The following SPSB4 variants were observed in gnomAD, a reference collection of about 807,000 sequenced individuals.
SPSB4 encodes SPRY domain-containing SOCS box protein 4.
In SPSB4, 21 loss-of-function variants were observed where a neutral mutation model predicts 20.9. The observed-to-expected ratio is 1.01, with a 90% confidence interval of 0.71 to 1.45. The LOEUF is 1.45. Among genes scored for constraint, SPSB4 ranks in the 40% most tolerant of loss-of-function variants. The pLI, the probability that SPSB4 is intolerant of heterozygous loss-of-function variation, is 0.00. For synonymous variants in SPSB4, 207 were observed against 183.8 expected (o/e 1.13, Z -1.02); for missense variants, 399 against 399.2 (o/e 1.00, Z 0.00).
intron 2 of SPSB4, among the ~76,000 whole-genome samples, chr3:141,138,860 G>C (rs1292340124): frequency 6.6e-6 from 1 of 152,174 alleles, no homozygotes; most frequent in African/African-American, 2.4e-5. Context: ...TCCGCTTGGT[G>C]CAGAGCTGAG....
intron 1 of SPSB4, among the ~76,000 whole-genome samples, chr3:141,059,865 A>T (rs1485278902): frequency 1.3e-5 from 2 of 152,246 alleles, no homozygotes; most frequent in Non-Finnish European, 2.9e-5. Context: ...TTGCAAAAGC[A>T]GGTGAGGTTA....
intron 1 of SPSB4, among the ~76,000 whole-genome samples, chr3:141,062,249 A>T (rs1463766795): frequency 6.6e-6 from 1 of 152,180 alleles, no homozygotes; most frequent in Non-Finnish European, 1.5e-5. Context: ...TTTGGGGAAG[A>T]CACCCAAAGG....
At chr3:141,139,003 A>G (rs1326310195) in intron 2 of SPSB4, among the ~76,000 whole-genome samples, 1 of 152,184 alleles carries the variant, frequency 6.6e-6, no homozygotes, top group Non-Finnish European at 1.5e-5. Flanking sequence ...GACTTCCTTT[A>G]TGAATCTGTG....
intron 2 of SPSB4, among the ~76,000 whole-genome samples, chr3:141,088,965 A>T (rs1258672414): frequency 6.6e-6 from 1 of 152,220 alleles, no homozygotes; most frequent in Non-Finnish European, 1.5e-5. Flanking sequence ...TCCATATCCA[A>T]ACACTGATAT....
At chr3:141,118,402 A>G (rs1938914280) in intron 2 of SPSB4, among the ~76,000 whole-genome samples, 1 of 152,164 alleles carries the variant, frequency 6.6e-6, no homozygotes, top group Non-Finnish European at 1.5e-5. Context: ...CCTTTGTTAG[A>G]TGAGTAGATT....
In SPSB4 at chr3:141,066,498, C is replaced by T. The variant is rs1937881508; in HGVS notation, c.394C>T (p.Leu132=). The T allele has an allele frequency of 6.7e-7, 1 of 1,502,692 alleles. No individual in the cohort carries two copies. The highest frequency in any genetic ancestry group is 8.9e-7 in the Non-Finnish European group (1 of 1,125,130). The allele number at this position is 1,502,692 out of a possible 1,614,324, so 93.1% of individuals were successfully genotyped here. A position where few individuals can be genotyped will look rare whatever the true frequency, so the allele number is the denominator to read the frequency against. ...CCTGCACTCCGTGGGCTACACGGCG[C>T]TGGTAGGCAGTGACGCCGAGTCGTG... The part of the protein sequence containing the change: ...APLHSVGYTA[L]VGSDAESWGW... Residue 132 remains leucine (L), a synonymous_variant, in exon 2 of 3, where the codon CTG becomes TTG. Coordinates refer to ENST00000310546, the MANE Select transcript of SPSB4 (RefSeq NM_080862.3).
At chr3:141,053,767 T>A (rs1471669532) in intron 1 of SPSB4, among the ~76,000 whole-genome samples, 2 of 152,122 alleles carry the variant, frequency 1.3e-5, no homozygotes, top group Non-Finnish European at 2.9e-5. Context: ...TAGCAAGTAG[T>A]CATAACCATT....
rs183644051 is a variant in SPSB4 at position 141,126,855 on chromosome 3, G to A, written c.695-20287G>A. Among the ~76,000 whole-genome samples the A allele has an allele frequency of 2.6e-3, 391 of 152,336 alleles. 5 individuals are homozygous for A. The highest frequency in any genetic ancestry group is 9.2e-3 in the African/African-American group (381 of 41,576). On this transcript the variant is annotated intron_variant, in intron 2 of 2. Coordinates refer to ENST00000310546, the MANE Select transcript of SPSB4 (RefSeq NM_080862.3). ...TCTGCCTCTGCTTTTGATGGTAAGA[G>A]GCTAGTGAAAGATTCTGGCTTGGGC... is the stretch of plus-strand genomic sequence containing the variant.
chr3:141,135,470 A>G (rs1939211531), intron 2 of SPSB4, among the ~76,000 whole-genome samples: 1 of 151,648 alleles, frequency 6.6e-6, no homozygotes, highest in Non-Finnish European at 1.5e-5. Flanking sequence ...AGCATTAGGT[A>G]TATCTCCTAA....
At chr3:141,142,336 G>A (rs1276686451) in intron 2 of SPSB4, among the ~76,000 whole-genome samples, 1 of 152,148 alleles carries the variant, frequency 6.6e-6, no homozygotes, top group Non-Finnish European at 1.5e-5. Context: ...TAATTTCCAT[G>A]TATTTGTATA....
chr3:141,053,075 C>T (rs1936123317), intron 1 of SPSB4, among the ~76,000 whole-genome samples: 1 of 152,136 alleles, frequency 6.6e-6, no homozygotes, highest in Admixed American at 6.5e-5. Context: ...GCGGTGTGAC[C>T]TTGGGCAAGT....
intron 2 of SPSB4, among the ~76,000 whole-genome samples, chr3:141,067,948 T>A (rs1186706042): frequency 6.6e-6 from 1 of 152,210 alleles, no homozygotes; most frequent in Admixed American, 6.5e-5. Context: ...AGAGCAGAGC[T>A]ACAGAGAGCC....
intron 2 of SPSB4, among the ~76,000 whole-genome samples, chr3:141,131,876 G>C (rs4683396): frequency 0.26 from 39,817 of 152,078 alleles, 6,494 homozygotes; most frequent in African/African-American, 0.44. Context: ...AGTCAATGTG[G>C]CTAGTTTTCC....
chr3:141,094,896 A>G (rs1408730787), intron 2 of SPSB4, among the ~76,000 whole-genome samples: 1 of 150,536 alleles, frequency 6.6e-6, no homozygotes, highest in East Asian at 2.0e-4. Flanking sequence ...GGCTGAGGAC[A>G]AGCCTCTCCT....
rs140307873 is a variant in SPSB4, at chr3:141,136,500, T to A, written c.695-10642T>A. 7.9e-3 allele frequency among the ~76,000 whole-genome samples: 1,203 copies of A among 152,340 alleles called. 20 individuals are homozygous for A. Among genetic ancestry groups the A allele is most frequent in the African/African-American group, 0.027 (1,134 of 41,572 alleles). On this transcript the variant is annotated intron_variant, in intron 2 of 2. Coordinates refer to ENST00000310546, the MANE Select transcript of SPSB4 (RefSeq NM_080862.3). Reference sequence around the variant, plus strand: ...CTAACATGTAAGTCTTTAATCCACCTTGAATTAATTTTTGTATAAGGTGCA... The same window carrying A: ...CTAACATGTAAGTCTTTAATCCACCATGAATTAATTTTTGTATAAGGTGCA...
At position 141,147,587 on chromosome 3, in the gene SPSB4, T is replaced by TTTCCTTA. The variant is rs1939435657; in HGVS notation, c.*322_*328dup. On this transcript the variant is annotated 3_prime_UTR_variant, in exon 3 of 3. Coordinates refer to ENST00000310546, the MANE Select transcript of SPSB4 (RefSeq NM_080862.3). ...GCCACCGTATTGATCAGAGAGCCTG[T>TTTCCTTA]TTCCTTATTCAAGAGAATGAATAAA... 3.6e-6 allele frequency: 1 copy of TTTCCTTA among 278,058 alleles called. No individual in the cohort carries two copies. Among genetic ancestry groups the TTTCCTTA allele is most frequent in the East Asian group, 6.5e-5 (1 of 15,382 alleles). 17.2% of individuals were successfully genotyped at this position (278,058 alleles called of 1,614,324 possible).
At chr3:141,109,509 C>A (rs192075213) in intron 2 of SPSB4, among the ~76,000 whole-genome samples, 225 of 152,192 alleles carry the variant, frequency 1.5e-3, no homozygotes, top group Non-Finnish European at 3.0e-3. Context: ...TCCTTGCCAG[C>A]GGTCCTCATT....
At chr3:141,135,589 A>G (rs1437704619) in intron 2 of SPSB4, among the ~76,000 whole-genome samples, 2 of 149,506 alleles carry the variant, frequency 1.3e-5, no homozygotes, top group Non-Finnish European at 3.0e-5. Flanking sequence ...GAGAACATGC[A>G]GTGTTTGGTT....
intron 2 of SPSB4, among the ~76,000 whole-genome samples, chr3:141,136,482 G>A (rs1470573489): frequency 6.6e-6 from 1 of 152,100 alleles, no homozygotes; most frequent in African/African-American, 2.4e-5. Context: ...GGTCTAACAT[G>A]TAAGTCTTTA....
Sources: gnomAD v4.1 joint callset for allele counts (sites outside exome capture counted in the v4.1 genomes callset) on GRCh38, gnomAD v4.1.1 for gene constraint, MANE v1.5 for transcripts, NCBI Gene and HGNC (gene_info 2026-07-23, HGNC 2026-07-21) for gene names.